Variants in DHDH observed in about 807,000 individuals in gnomAD.
DHDH encodes trans-1,2-dihydrobenzene-1,2-diol dehydrogenase.
DHDH carries 29 observed loss-of-function variants against 33.2 expected under a neutral mutation model. The ratio of observed to expected loss-of-function variants is 0.87; its 90% CI spans 0.65 to 1.19. DHDH has a LOEUF of 1.19. Ranked by LOEUF, DHDH falls within the 50% of genes most tolerant of loss-of-function variation. The pLI, the probability that DHDH is intolerant of heterozygous loss-of-function variation, is 0.00. For synonymous variants in DHDH, 201 were observed against 187.9 expected, an observed-to-expected ratio of 1.07 and a Z score of -0.57; for missense variants, 431 against 455.0, an observed-to-expected ratio of 0.95 and a Z score of 0.48.
rs147384097 is a variant in DHDH at position 48,942,953 on chromosome 19, G to A, written c.744+389G>A. On this transcript the variant is annotated intron_variant, in intron 5 of 6. Transcript: ENST00000221403. ...GCCTGTAATCCCAGCTACTAGGGAG[G>A]CTGAGGCAGGAGAATTGCTTGAATC... 6.1e-3 allele frequency among the ~76,000 whole-genome samples: 923 copies of A among 152,102 alleles called. 11 individuals are homozygous for A. The highest frequency in any genetic ancestry group is 0.021 in the African/African-American group (872 of 41,476).
At position 48,933,717 on chromosome 19, in the gene DHDH, C is replaced by T; in HGVS notation, c.-5C>T. 6.2e-7 allele frequency: 1 copy of T among 1,613,280 alleles called. No individual in the cohort carries two copies. Among genetic ancestry groups the T allele is most frequent in the South Asian group, 1.1e-5 (1 of 91,082 alleles). Reference sequence around the variant, plus strand: ...CGAAGGTGCCGAGGGCTCCGCATCGCAACCATGGCGCTGCGCTGGGGCATC... The same window carrying T: ...CGAAGGTGCCGAGGGCTCCGCATCGTAACCATGGCGCTGCGCTGGGGCATC... On this transcript the variant is annotated 5_prime_UTR_variant, in exon 1 of 7. Coordinates refer to ENST00000221403, the MANE Select transcript of DHDH (RefSeq NM_014475.4).
chr19:48,933,931 T>C (rs1328064761), intron 1 of DHDH, 120 bp downstream of exon 1: 3 of 850,576 alleles, frequency 3.5e-6, no homozygotes, highest in Non-Finnish European at 3.8e-6. Flanking sequence ...GTGAAACGTC[T>C]GTTTCCTTGC....
At chr19:48,935,315 C>A (rs551668616) in intron 2 of DHDH, among the ~76,000 whole-genome samples, 1 of 152,174 alleles carries the variant, frequency 6.6e-6, no homozygotes, top group African/African-American at 2.4e-5. Context: ...GCGTTCGAGA[C>A]CAGCCTCGGC....
chr19:48,933,805 G>A lies in DHDH; in HGVS notation c.84G>A (p.Glu28=), dbSNP rs769767189. Residue 28 remains glutamate (E), a synonymous_variant, in exon 1 of 7, where the codon GAG becomes GAA. Transcript: ENST00000221403. Reference sequence around the variant, plus strand: ...TGCTGCAGACGCTGCCTCGCTCTGAGCACCAGGTCTGCCCGCCCTCCGGAT... The same window carrying A: ...TGCTGCAGACGCTGCCTCGCTCTGAACACCAGGTCTGCCCGCCCTCCGGAT... The part of the protein sequence containing the change: ...TAVLQTLPRS[E]HQVVAVAARD... 11 of 1,609,542 alleles carry A rather than the reference G, an allele frequency of 6.8e-6. No homozygotes were observed. The highest frequency in any genetic ancestry group is 2.2e-5 in the East Asian group (1 of 44,866).
chr19:48,935,359 C>G (rs562262588), intron 2 of DHDH, among the ~76,000 whole-genome samples: 1 of 152,160 alleles, frequency 6.6e-6, no homozygotes, highest in Non-Finnish European at 1.5e-5. Context: ...CAAAAAATAA[C>G]AATAAAAATA....
Position 48,944,420 on chromosome 19 carries a change from C to A in DHDH, c.808C>A (p.Leu270Met). ...VVKGEHKEFP[L>M]PPVPKDCNFD... is the part of the protein sequence containing the mutation. ...GAAGGGGGAGCATAAGGAGTTCCCGCTGCCCCCAGTCCCAAAGGACTGCAA... is the reference window on the plus strand; with the variant it reads ...GAAGGGGGAGCATAAGGAGTTCCCGATGCCCCCAGTCCCAAAGGACTGCAA... The change falls in exon 6 of 7, where the codon CTG becomes ATG. Residue 270 changes from leucine (L) to methionine (M), a missense_variant. Coordinates refer to ENST00000221403, the MANE Select transcript of DHDH (RefSeq NM_014475.4). 1.2e-6 allele frequency: 2 copies of A among 1,614,158 alleles called. No homozygotes were observed. Among genetic ancestry groups the A allele is most frequent in the Non-Finnish European group, 1.7e-6 (2 of 1,180,004 alleles).
chr19:48,942,543 C>T lies in DHDH; in HGVS notation c.723C>T (p.Ser241=), dbSNP rs1400759249. 33 of 1,613,446 alleles carry T rather than the reference C, an allele frequency of 2.0e-5. No homozygotes were observed. Among genetic ancestry groups the T allele is most frequent in the African/African-American group, 1.3e-4 (10 of 74,930 alleles). The change falls in exon 5 of 7, where the codon AGC becomes AGT. Residue 241 remains serine, a synonymous_variant. Coordinates refer to ENST00000221403, the MANE Select transcript of DHDH (RefSeq NM_014475.4). ...TVQLSNTASV[S]GTKGMVQLLN... Reference sequence around the variant, plus strand: ...AGCTCTCCAACACGGCCTCCGTGAGCGGCACCAAGGGCATGGTACAGGTGA... The same window carrying T: ...AGCTCTCCAACACGGCCTCCGTGAGTGGCACCAAGGGCATGGTACAGGTGA...
chr19:48,944,457 G>C lies in DHDH; in HGVS notation c.845G>C (p.Gly282Ala), dbSNP rs762799265. Reference sequence around the variant, plus strand: ...CCAAAGGACTGCAATTTTGACAACGGGGCAGGCATGAGTTATGAGGCCAAG... The same window carrying C: ...CCAAAGGACTGCAATTTTGACAACGCGGCAGGCATGAGTTATGAGGCCAAG... Reference protein sequence around the residue: ...PVPKDCNFDNGAGMSYEAKHV... With the variant: ...PVPKDCNFDNAAGMSYEAKHV... Residue 282 changes from glycine (G) to alanine (A), a missense_variant, in exon 6 of 7, where the codon GGG becomes GCG. Transcript: ENST00000221403. 1 of 1,613,702 alleles carries C rather than the reference G, an allele frequency of 6.2e-7. No individual in the cohort carries two copies. The highest frequency in any genetic ancestry group is 1.1e-5 in the South Asian group (1 of 91,048).
Position 48,939,530 on chromosome 19 carries a change from G to A in DHDH, c.448G>A (p.Ala150Thr). 6.2e-7 allele frequency: 1 copy of A among 1,614,126 alleles called. No individual in the cohort carries two copies. The highest frequency in any genetic ancestry group is 8.5e-7 in the Non-Finnish European group (1 of 1,180,022). Residue 150 changes from alanine to threonine, a missense_variant, in exon 4 of 7, where the codon GCT becomes ACT. Ala to Thr is a moderately conservative substitution (Grantham distance 58, BLOSUM62 0). Transcript: ENST00000221403. ...AQGTLGDLRV[A>T]RAEFGKNLIH... ...GGGAACTCTAGGAGACCTCCGGGTG[G>A]CTCGGGCAGAATTTGGGAAGAATCT...
rs1477233606 is a variant in DHDH, at chr19:48,942,440, G to C, written c.620G>C (p.Gly207Ala). The C allele has an allele frequency of 6.2e-7, 1 of 1,604,580 alleles. No homozygotes were observed. Residue 207 changes from glycine to alanine, a missense_variant and splice_region_variant, in exon 5 of 7, where the codon GGT becomes GCT. Coordinates refer to ENST00000221403, the MANE Select transcript of DHDH (RefSeq NM_014475.4). The stretch of plus-strand genomic sequence containing the variant: ...GCCCTGACCCAGGACTTCCCTCCAG[G>C]TGTGGATGACACTGTCACGGTGCTC... ...ISVVGRRHETGVDDTVTVLLQ... is the reference protein window; with the variant it reads ...ISVVGRRHETAVDDTVTVLLQ...
intron 2 of DHDH, 65 bp downstream of exon 2, chr19:48,935,176 C>G (rs4987162): frequency 0.27 from 349,493 of 1,306,478 alleles, 58,907 homozygotes; most frequent in African/African-American, 0.73. Flanking sequence ...TGGCTGCCCC[C>G]TGGGAGATGC....
rs762126487 is a variant in DHDH, at chr19:48,933,773, A to C, written c.52A>C (p.Thr18Pro). 6.2e-7 allele frequency: 1 copy of C among 1,612,610 alleles called. No homozygotes were observed. Among genetic ancestry groups the C allele is most frequent in the African/African-American group, 1.3e-5 (1 of 74,918 alleles). Reference protein sequence around the residue: ...VSVGLISSDFTAVLQTLPRSE... With the variant: ...VSVGLISSDFPAVLQTLPRSE... The stretch of plus-strand genomic sequence containing the variant: ...TGTCGGCCTCATCTCCAGCGACTTC[A>C]CAGCCGTGCTGCAGACGCTGCCTCG... The change falls in exon 1 of 7, where the codon ACA becomes CCA. Residue 18 changes from threonine (T) to proline (P), a missense_variant. Physicochemically the swap from Thr to Pro is conservative, Grantham distance 38 (BLOSUM62 -1). Coordinates refer to ENST00000221403, the MANE Select transcript of DHDH (RefSeq NM_014475.4).
rs1447381251 is a variant in DHDH at position 48,936,039 on chromosome 19, C to T, written c.210C>T (p.Ala70=). The T allele has an allele frequency of 1.9e-6, 3 of 1,601,126 alleles. No homozygotes were observed. In the South Asian group the frequency reaches 3.4e-5, roughly 18 times the overall value. The change falls in exon 3 of 7, where the codon GCC becomes GCT. Residue 70 remains alanine, a synonymous_variant. Coordinates refer to ENST00000221403, the MANE Select transcript of DHDH (RefSeq NM_014475.4). ...GACCTACTCCCACCCTAGAGGTGGCCTACATTGGCACCCAGCACCCCCAGC... is the reference window on the plus strand; with the variant it reads ...GACCTACTCCCACCCTAGAGGTGGCTTACATTGGCACCCAGCACCCCCAGC... The part of the protein sequence containing the change: ...ELAKDPSVEV[A]YIGTQHPQHK...
chr19:48,942,237 C>T (rs575478458), intron 4 of DHDH, among the ~76,000 whole-genome samples: 1 of 151,900 alleles, frequency 6.6e-6, no homozygotes, highest in Non-Finnish European at 1.5e-5. Flanking sequence ...ATCTCATGAC[C>T]CCACGATCTG....
intron 3 of DHDH, among the ~76,000 whole-genome samples, chr19:48,937,687 C>T (rs1234439725): frequency 6.6e-6 from 1 of 151,942 alleles, no homozygotes; most frequent in African/African-American, 2.4e-5. Context: ...TGGCGGGCGC[C>T]TGTAGTCCCA....
intron 2 of DHDH, among the ~76,000 whole-genome samples, chr19:48,935,540 G>A (rs2037759901): frequency 6.8e-6 from 1 of 146,496 alleles, no homozygotes; most frequent in Non-Finnish European, 1.5e-5. Context: ...TAAATAGGCC[G>A]GGCGCGGTGG....
rs906608788 is a variant in DHDH at position 48,933,909 on chromosome 19, G to A, written c.90+98G>A. 17 of 1,101,996 alleles carry A rather than the reference G, an allele frequency of 1.5e-5. No homozygotes were observed. In the Admixed American group the frequency reaches 1.6e-4, roughly 11 times the overall value. The allele number at this position is 1,101,996 out of a possible 1,614,324, so 68.3% of individuals were successfully genotyped here. On this transcript the variant is annotated intron_variant, in intron 1 of 6. Coordinates refer to ENST00000221403, the MANE Select transcript of DHDH (RefSeq NM_014475.4). ...TTTAGGGTTCAGGACTAGTGAGTGG[G>A]TCGTCATTGCAGTGAAACGTCTGTT...
upstream of DHDH, among the ~76,000 whole-genome samples, chr19:48,933,433 T>C (rs2037729310): frequency 6.6e-6 from 1 of 152,038 alleles, no homozygotes; most frequent in African/African-American, 2.4e-5. Context: ...AAACCTCTCC[T>C]CCCCACGCTG....
At chr19:48,937,956 A>G (rs916156560) in intron 3 of DHDH, among the ~76,000 whole-genome samples, 3 of 151,766 alleles carry the variant, frequency 2.0e-5, no homozygotes, top group African/African-American at 7.3e-5. Context: ...TCACCTCCTC[A>G]GGGTGTCACC....
Sources: gnomAD v4.1 joint callset for allele counts (sites outside exome capture counted in the v4.1 genomes callset) on GRCh38, gnomAD v4.1.1 for gene constraint, MANE v1.5 for transcripts, NCBI Gene and HGNC (gene_info 2026-07-23, HGNC 2026-07-21) for gene names.